The following GALNT13 variants were observed in gnomAD, a reference collection of about 807,000 sequenced individuals.
GALNT13 encodes the protein polypeptide N-acetylgalactosaminyltransferase 13.
Under a neutral mutation model 64.2 loss-of-function variants are expected in GALNT13, and 28 were observed. The ratio of observed to expected loss-of-function variants is 0.44; its 90% CI spans 0.32 to 0.60. The LOEUF is 0.60. Ranked by LOEUF, GALNT13 falls within the 20% of genes least tolerant of loss-of-function variation. GALNT13 has a pLI of 0.05. For synonymous variants in GALNT13, 214 were observed against 224.6 expected, an observed-to-expected ratio of 0.95 and a Z score of 0.42; for missense variants, 577 against 669.8, an observed-to-expected ratio of 0.86 and a Z score of 1.53.
chr2:154,445,916 C>A, intron 12 of GALNT13: 1 of 665,722 alleles, frequency 1.5e-6, no homozygotes, highest in Non-Finnish European at 2.3e-6. Context: ...GAGCAAGAAA[C>A]AGACAGATAA....
At chr2:153,392,376 G>T in the GALNT13 span, among the ~76,000 whole-genome samples, 2 of 151,640 alleles carry the variant, frequency 1.3e-5, no homozygotes, top group African/African-American at 4.8e-5. Flanking sequence ...GATGCCTTAA[G>T]ACCCGGGTCA....
At chr2:153,270,541 C>T in the GALNT13 span, among the ~76,000 whole-genome samples, 1 of 152,154 alleles carries the variant, frequency 6.6e-6, no homozygotes, top group Non-Finnish European at 1.5e-5. Context: ...TTTGCTTTGG[C>T]TCCAAATGCA....
the GALNT13 span, among the ~76,000 whole-genome samples, chr2:153,395,562 T>G: frequency 6.6e-6 from 1 of 152,146 alleles, no homozygotes; most frequent in Non-Finnish European, 1.5e-5. Flanking sequence ...TTTAATGCTT[T>G]TCTCTTCTTG....
At chr2:153,711,327 A>C in the GALNT13 span, among the ~76,000 whole-genome samples, 1 of 152,174 alleles carries the variant, frequency 6.6e-6, no homozygotes, top group East Asian at 1.9e-4. Flanking sequence ...ACTTGATGCC[A>C]TCATAAGTAA....
the GALNT13 span, among the ~76,000 whole-genome samples, chr2:153,394,406 G>A: frequency 2.0e-5 from 3 of 152,022 alleles, no homozygotes; most frequent in South Asian, 4.2e-4. Context: ...TTTAAATTGG[G>A]CCCACACAAA....
At chr2:153,541,838 T>A in the GALNT13 span, among the ~76,000 whole-genome samples, 2 of 152,196 alleles carry the variant, frequency 1.3e-5, no homozygotes, top group African/African-American at 4.8e-5. Context: ...AATGGACAAT[T>A]TCCCCTGTAT....
intron 7 of GALNT13, 69 bp downstream of exon 7, chr2:154,246,051 G>C (rs1689766836): frequency 4.8e-6 from 5 of 1,031,490 alleles, no homozygotes; most frequent in African/African-American, 1.6e-5. Flanking sequence ...ATAGATTTCT[G>C]TTCTAATGTT....
chr2:154,162,159 A>G (rs899370788), intron 4 of GALNT13, among the ~76,000 whole-genome samples: 1 of 152,210 alleles, frequency 6.6e-6, no homozygotes, highest in African/African-American at 2.4e-5. Flanking sequence ...GAAATAAACA[A>G]CCACTAGAAT....
rs917386480 is a variant in GALNT13 at position 154,044,544 on chromosome 2, A to G, written c.143-95793A>G. 2.7e-4 allele frequency among the ~76,000 whole-genome samples: 41 copies of G among 152,164 alleles called. 1 individual carries two copies. The highest frequency in any genetic ancestry group is 1.5e-5 in the Non-Finnish European group (1 of 68,026). ...TTGCTATAGAGCTGTAGTCTGGTGC[A>G]TTGAAAAAGTACTGAGTGAAACAGA... On this transcript the variant is annotated intron_variant, in intron 3 of 12. Coordinates refer to ENST00000392825, the MANE Select transcript of GALNT13 (RefSeq NM_052917.4).
At chr2:154,091,516 T>G (rs536116695) in intron 3 of GALNT13, among the ~76,000 whole-genome samples, 1 of 151,174 alleles carries the variant, frequency 6.6e-6, no homozygotes, top group Non-Finnish European at 1.5e-5. Context: ...ATTAAAAGGA[T>G]GAGTTATTAC....
the GALNT13 span, among the ~76,000 whole-genome samples, chr2:153,524,045 T>C: frequency 6.6e-6 from 1 of 152,216 alleles, no homozygotes; most frequent in South Asian, 2.1e-4. Flanking sequence ...TTTCTGCATC[T>C]ATTGATAGAT....
the GALNT13 span, among the ~76,000 whole-genome samples, chr2:153,382,989 A>T: frequency 1.3e-5 from 2 of 152,082 alleles, no homozygotes; most frequent in African/African-American, 2.4e-5. Context: ...AAACAATATC[A>T]TTATATAAAT....
the GALNT13 span, among the ~76,000 whole-genome samples, chr2:153,692,062 A>G: frequency 6.6e-6 from 1 of 152,192 alleles, no homozygotes; most frequent in Non-Finnish European, 1.5e-5. Flanking sequence ...GAAATGAACA[A>G]TCTATATCTC....
chr2:153,405,347 A>G, the GALNT13 span, among the ~76,000 whole-genome samples: 1 of 152,210 alleles, frequency 6.6e-6, no homozygotes, highest in Non-Finnish European at 1.5e-5. Flanking sequence ...CCTGACTGCA[A>G]GAATGCACCT....
chr2:154,178,570 AAATAAT>A (rs201150569), intron 4 of GALNT13, among the ~76,000 whole-genome samples: 4 of 152,096 alleles, frequency 2.6e-5, no homozygotes, highest in East Asian at 1.9e-4. Flanking sequence ...GTATAATTAA[AAATAAT>A]AATAATAATG....
At chr2:154,406,669 C>T (rs1257025687) in intron 10 of GALNT13, among the ~76,000 whole-genome samples, 1 of 152,112 alleles carries the variant, frequency 6.6e-6, no homozygotes, top group Non-Finnish European at 1.5e-5. Flanking sequence ...CTTTATCTAC[C>T]CTTACTTACT....
chr2:154,335,561 A>G (rs1282138705), intron 9 of GALNT13, among the ~76,000 whole-genome samples: 1 of 151,680 alleles, frequency 6.6e-6, no homozygotes, highest in Non-Finnish European at 1.5e-5. Context: ...AGGATATTAA[A>G]TACAATAGAC....
intron 9 of GALNT13, among the ~76,000 whole-genome samples, chr2:154,330,306 C>T (rs577443694): frequency 3.9e-5 from 6 of 152,190 alleles, no homozygotes; most frequent in East Asian, 1.9e-4. Context: ...GAAATCCATT[C>T]GTTAGTATAA....
the GALNT13 span, among the ~76,000 whole-genome samples, chr2:153,810,203 T>C: frequency 6.6e-6 from 1 of 152,126 alleles, no homozygotes; most frequent in Non-Finnish European, 1.5e-5. Context: ...GACCTCATGA[T>C]CCACCCACTT....
Sources: allele counts gnomAD v4.1 joint callset (sites outside exome capture counted in the v4.1 genomes callset), GRCh38; gene constraint gnomAD v4.1.1; transcripts MANE v1.5; gene names NCBI Gene and HGNC (gene_info 2026-07-23, HGNC 2026-07-21).